ARHGEF28: variants seen among roughly 807,000 people sequenced by gnomAD.
ARHGEF28 encodes the protein Rho guanine nucleotide exchange factor 28.
In ARHGEF28, 152 loss-of-function variants were observed where a neutral mutation model predicts 206.6. The ratio of observed to expected loss-of-function variants is 0.74; its 90% CI spans 0.64 to 0.84. The LOEUF is 0.84. ARHGEF28 is among the 40% of genes least tolerant of loss of function. ARHGEF28 has a pLI of 0.00. For synonymous variants in ARHGEF28, 763 were observed against 776.4 expected, an observed-to-expected ratio of 0.98 and a Z score of 0.29; for missense variants, 2,028 against 2,073.2, an observed-to-expected ratio of 0.98 and a Z score of 0.42.
chr5:73,725,055 A>G (rs1750191217), intron 2 of ARHGEF28, among the ~76,000 whole-genome samples: 1 of 151,250 alleles, frequency 6.6e-6, no homozygotes, highest in African/African-American at 2.5e-5. Flanking sequence ...AAAGTACCAA[A>G]AAGGTTAAAA....
At chr5:73,854,870 A>C (rs1282294829) in intron 14 of ARHGEF28, among the ~76,000 whole-genome samples, 4 of 151,926 alleles carry the variant, frequency 2.6e-5, no homozygotes, top group Non-Finnish European at 4.4e-5. Flanking sequence ...ACAACAACAA[A>C]AAAACACTTT....
chr5:73,647,842 A>C (rs6878383), intron 1 of ARHGEF28, among the ~76,000 whole-genome samples: 4,125 of 152,322 alleles, frequency 0.027, 213 homozygotes, highest in African/African-American at 0.094. Context: ...TGATCCTACT[A>C]CTTGATGTTG....
At chr5:73,850,489 G>T (rs966815631) in intron 13 of ARHGEF28, among the ~76,000 whole-genome samples, 5 of 152,076 alleles carry the variant, frequency 3.3e-5, no homozygotes, top group African/African-American at 1.2e-4. Flanking sequence ...TTAGGTTGGT[G>T]TATTTTTAAT....
chr5:73,643,279 TATA>T (rs1744233895), intron 1 of ARHGEF28, among the ~76,000 whole-genome samples: 1 of 152,238 alleles, frequency 6.6e-6, no homozygotes, highest in Non-Finnish European at 1.5e-5. Flanking sequence ...AGCTGTGAGT[TATA>T]ATATTTTAGT....
intron 7 of ARHGEF28, among the ~76,000 whole-genome samples, chr5:73,792,080 T>C (rs1754515575): frequency 6.6e-6 from 1 of 152,250 alleles, no homozygotes; most frequent in African/African-American, 2.4e-5. Context: ...GATATGGTTC[T>C]GTTTAGTTCT....
chr5:73,809,573 G>A (rs76200592), intron 9 of ARHGEF28, among the ~76,000 whole-genome samples: 8,879 of 152,250 alleles, frequency 0.058, 365 homozygotes, highest in African/African-American at 0.11. Context: ...TCCCCCTGGA[G>A]GATGAGAAAA....
chr5:73,700,527 C>A (rs1018804458), intron 2 of ARHGEF28, among the ~76,000 whole-genome samples: 5 of 152,018 alleles, frequency 3.3e-5, no homozygotes, highest in African/African-American at 1.2e-4. Context: ...TACAAAGTTG[C>A]AATTATAGAG....
At chr5:73,699,302 C>G (rs1748435602) in intron 2 of ARHGEF28, among the ~76,000 whole-genome samples, 1 of 151,758 alleles carries the variant, frequency 6.6e-6, no homozygotes. Context: ...TAGCAAGGTT[C>G]CATGTTTCCC....
intron 2 of ARHGEF28, among the ~76,000 whole-genome samples, chr5:73,711,926 G>A (rs1182732571): frequency 6.7e-6 from 1 of 149,706 alleles, no homozygotes; most frequent in Admixed American, 6.6e-5. Flanking sequence ...TTAGTTCTAG[G>A]TTTGGGTTTT....
At chr5:73,909,386 G>A (rs1224343989) in intron 33 of ARHGEF28, 26 bp from the exon 34 acceptor site, 3 of 1,568,634 alleles carry the variant, frequency 1.9e-6, no homozygotes, top group South Asian at 2.3e-5. Context: ...TGTGTTCAGT[G>A]ATTTTTCCTC....
chr5:73,917,913 G>A (rs1291127901), intron 35 of ARHGEF28, among the ~76,000 whole-genome samples: 3 of 152,174 alleles, frequency 2.0e-5, no homozygotes, highest in Non-Finnish European at 2.9e-5. Flanking sequence ...GCTTGGGTTT[G>A]GAGGGGAAAT....
At chr5:73,674,684 T>A (rs749329636) in intron 1 of ARHGEF28, among the ~76,000 whole-genome samples, 1 of 152,142 alleles carries the variant, frequency 6.6e-6, no homozygotes, top group Non-Finnish European at 1.5e-5. Flanking sequence ...AAGGGAAGAT[T>A]AGAGGATTGG....
intron 35 of ARHGEF28, chr5:73,923,116 T>C (rs1450120216): frequency 1.6e-5 from 25 of 1,535,790 alleles, no homozygotes; most frequent in South Asian, 2.4e-5. Flanking sequence ...CAGTTGTACG[T>C]TGACATCTCC....
At chr5:73,737,448 T>TTTTCC (rs1365619741) in intron 2 of ARHGEF28, among the ~76,000 whole-genome samples, 1 of 32,288 alleles carries the variant, frequency 3.1e-5, no homozygotes, top group Non-Finnish European at 5.5e-5. Context: ...CCTTCTTTTC[T>TTTTCC]TTTCTTTTCT....
intron 2 of ARHGEF28, among the ~76,000 whole-genome samples, chr5:73,730,257 T>G (rs1218604648): frequency 6.6e-6 from 1 of 152,166 alleles, no homozygotes; most frequent in Non-Finnish European, 1.5e-5. Context: ...TCAGATATGT[T>G]GTATATATCT....
intron 2 of ARHGEF28, among the ~76,000 whole-genome samples, chr5:73,706,853 A>G (rs1351683984): frequency 1.3e-5 from 2 of 152,154 alleles, no homozygotes; most frequent in Admixed American, 6.5e-5. Context: ...CCTTCCTGCT[A>G]TGGCCACAGC....
chr5:73,940,621 A>G (rs1377529988), intron 35 of ARHGEF28, among the ~76,000 whole-genome samples: 1 of 152,216 alleles, frequency 6.6e-6, no homozygotes. Context: ...ACAGTAACCC[A>G]TATTTAGTCA....
chr5:73,669,976 G>A lies in ARHGEF28; in HGVS notation c.-11-14865G>A, dbSNP rs536103886. Among the ~76,000 whole-genome samples the A allele has an allele frequency of 7.9e-5, 12 of 152,248 alleles. No individual in the cohort carries two copies. In the South Asian group the frequency reaches 1.5e-3, roughly 18 times the overall value. ...TGCTGGGATTACAGGTGTGAGCCAC[G>A]GTGCTAGGCCAGTTTTACTTATATT... is the stretch of plus-strand genomic sequence containing the variant. On this transcript the variant is annotated intron_variant, in intron 1 of 35. Transcript: ENST00000513042.
chr5:73,725,384 A>G (rs1477347715), intron 2 of ARHGEF28, among the ~76,000 whole-genome samples: 1 of 152,210 alleles, frequency 6.6e-6, no homozygotes, highest in African/African-American at 2.4e-5. Context: ...ATTGCCTTGT[A>G]TAGATACGCC....
Sources: allele counts gnomAD v4.1 joint callset (sites outside exome capture counted in the v4.1 genomes callset), GRCh38; gene constraint gnomAD v4.1.1; transcripts MANE v1.5; gene names NCBI Gene and HGNC (gene_info 2026-07-23, HGNC 2026-07-21).